Variants in ZNF268 observed in about 807,000 individuals in gnomAD.
ZNF268 encodes the protein zinc finger protein 3.
In ZNF268, 20 loss-of-function variants were observed where a neutral mutation model predicts 29.3. The ratio of observed to expected loss-of-function variants is 0.68; its 90% CI spans 0.48 to 0.99. The LOEUF (loss-of-function observed/expected upper bound fraction) is 0.99, where lower values mean the gene tolerates loss of function less well. Among genes scored for constraint, ZNF268 ranks in the 50% least tolerant of loss-of-function variants. The probability of loss-of-function intolerance (pLI) is 0.00; values close to 1 mark genes in which losing one functional copy is unlikely to be tolerated. For missense variants in ZNF268, 1,240 were observed against 1,121.6 expected (o/e 1.11, Z -1.51); for synonymous variants, 429 against 376.9 (o/e 1.14, Z -1.60).
chr12:133,200,061 T>G (rs546672528), intron 5 of ZNF268, among the ~76,000 whole-genome samples: 9 of 152,314 alleles, frequency 5.9e-5, no homozygotes, highest in African/African-American at 1.4e-4. Flanking sequence ...ATTTCTTGCC[T>G]TCTTCTAGCT....
chr12:133,198,983 A>G (rs1956685250), intron 5 of ZNF268, among the ~76,000 whole-genome samples: 1 of 150,406 alleles, frequency 6.6e-6, no homozygotes. Context: ...GTCTGCAAAC[A>G]GGGACAATTT....
intron 4 of ZNF268, 78 bp downstream of exon 4, chr12:133,191,693 A>G (rs896895088): frequency 2.0e-5 from 32 of 1,579,650 alleles, no homozygotes; most frequent in African/African-American, 9.5e-5. Context: ...GAGGGCTTCT[A>G]TGAAATACTT....
rs948350597 is a variant in ZNF268 at position 133,185,450 on chromosome 12, G to A, written c.34-2422G>A. ...GAGAGAGGAGAGCAGATGAACACAG[G>A]TGCAGAGGCCAGATCAGGGAGTGAG... On this transcript the variant is annotated intron_variant, in intron 2 of 5. Transcript: ENST00000536435. 2.6e-5 allele frequency among the ~76,000 whole-genome samples: 4 copies of A among 152,026 alleles called. No homozygotes were observed. The East Asian group carries it at 7.7e-4, about 29-fold the overall frequency.
intron 3 of ZNF268, among the ~76,000 whole-genome samples, chr12:133,189,708 T>C (rs1011148656): frequency 8.5e-5 from 13 of 152,236 alleles, no homozygotes; most frequent in Non-Finnish European, 2.9e-5. Flanking sequence ...TCAGTTTCCT[T>C]ACTCTCTCTG....
rs541316279 is a variant in ZNF268, at chr12:133,204,550, A to G, written c.*20A>G. 42 of 1,459,904 alleles carry G rather than the reference A, an allele frequency of 2.9e-5. No individual in the cohort carries two copies. In the Admixed American group the frequency reaches 6.8e-4, roughly 24 times the overall value. The allele number at this position is 1,459,904 out of a possible 1,614,324, so 90.4% of individuals were successfully genotyped here. On this transcript the variant is annotated 3_prime_UTR_variant, in exon 6 of 6. Transcript: ENST00000536435. ...CATTGATAATTTTACGAAACTCTGA[A>G]AAGTGGATTCACAAGAGATAGAAAC...
rs1417179535 is a variant in ZNF268, at chr12:133,213,613, T to C, written c.*9083T>C. The stretch of plus-strand genomic sequence containing the variant: ...CAGGAAGCTGAGGCAGGAGGATCGC[T>C]TGAAGCTGTGAGGTGGAGGTTGCAG... On this transcript the variant is annotated 3_prime_UTR_variant, in exon 6 of 6. Coordinates refer to ENST00000536435, the MANE Select transcript of ZNF268 (RefSeq NM_003415.3). 2.7e-5 allele frequency: 4 copies of C among 149,650 alleles called. No homozygotes were observed. The East Asian group carries it at 7.8e-4, about 29-fold the overall frequency. 9.3% of individuals were successfully genotyped at this position (149,650 alleles called of 1,614,324 possible). A position where few individuals can be genotyped will look rare whatever the true frequency, so the allele number is the denominator to read the frequency against.
intron 2 of ZNF268, among the ~76,000 whole-genome samples, chr12:133,182,983 G>C (rs901196602): frequency 2.0e-5 from 3 of 152,120 alleles, no homozygotes; most frequent in Non-Finnish European, 4.4e-5. Flanking sequence ...GGCGAGTGGC[G>C]GTTTAGTGAG....
At chr12:133,196,421 CCT>C (rs1566374681) in intron 5 of ZNF268, among the ~76,000 whole-genome samples, 1 of 151,304 alleles carries the variant, frequency 6.6e-6, no homozygotes, top group Non-Finnish European at 1.5e-5. Flanking sequence ...CAAGTATAAT[CCT>C]GTTTTTGCCA....
rs1957013627 is a variant in ZNF268 at position 133,213,419 on chromosome 12, C to T, written c.*8889C>T. ...TGAAAAGGAGCTGGGTGTGGTGGCT[C>T]ACGCCTGTAATTCCAGCACTTTGGG... On this transcript the variant is annotated 3_prime_UTR_variant, in exon 6 of 6. Coordinates refer to ENST00000536435, the MANE Select transcript of ZNF268 (RefSeq NM_003415.3). 6.6e-6 allele frequency: 1 copy of T among 151,804 alleles called. No individual in the cohort carries two copies. The highest frequency in any genetic ancestry group is 2.4e-5 in the African/African-American group (1 of 41,300). 9.4% of individuals were successfully genotyped at this position (151,804 alleles called of 1,614,324 possible).
rs746541616 is a variant in ZNF268 at position 133,203,266 on chromosome 12, T to C, written c.1580T>C (p.Leu527Pro). Residue 527 changes from leucine (L) to proline (P), a missense_variant, in exon 6 of 6, where the codon CTC becomes CCC. Coordinates refer to ENST00000536435, the MANE Select transcript of ZNF268 (RefSeq NM_003415.3). ...ACAAGGACTCATACAGGAGAAAAAC[T>C]CCATGAATGCAACAATTGTGGGAAA... ...IHTRTHTGEK[L>P]HECNNCGKAF... 6.5e-7 allele frequency: 1 copy of C among 1,537,946 alleles called. No homozygotes were observed. The highest frequency in any genetic ancestry group is 8.7e-7 in the Non-Finnish European group (1 of 1,146,892).
intron 2 of ZNF268, among the ~76,000 whole-genome samples, chr12:133,183,985 A>G (rs909935567): frequency 6.6e-6 from 1 of 152,256 alleles, no homozygotes; most frequent in African/African-American, 2.4e-5. Context: ...TGTTTGTGCT[A>G]CTGTAACAAA....
Position 133,213,285 on chromosome 12 carries a change from T to G in ZNF268, c.*8755T>G, listed in dbSNP as rs1315067056. ...TACTTCTTGGCACTGGATTTGGCAA[T>G]GATTTATTGGATATGACACCAGAAG... On this transcript the variant is annotated 3_prime_UTR_variant, in exon 6 of 6. Transcript: ENST00000536435. 2.0e-5 allele frequency: 3 copies of G among 152,194 alleles called. No individual in the cohort carries two copies. The allele number at this position is 152,194 out of a possible 1,614,324, so 9.4% of individuals were successfully genotyped here.
intron 5 of ZNF268, among the ~76,000 whole-genome samples, chr12:133,192,475 C>G (rs1046096016): frequency 1.2e-4 from 18 of 152,142 alleles, no homozygotes; most frequent in African/African-American, 4.3e-4. Flanking sequence ...TGGTGATAGA[C>G]TCATTTCATT....
chr12:133,191,942 G>A lies in ZNF268; in HGVS notation c.396G>A (p.Lys132=). The A allele has an allele frequency of 6.2e-7, 1 of 1,614,084 alleles. No homozygotes were observed. Among genetic ancestry groups the A allele is most frequent in the South Asian group, 1.1e-5 (1 of 91,090 alleles). The stretch of plus-strand genomic sequence containing the variant: ...ACACCAAACCTGATATCATCTTCAA[G>A]TTGGAACAAGGAGAAGAGCTGTGTA... ...YQHTKPDIIF[K]LEQGEELCMV... Residue 132 remains lysine (K), a synonymous_variant, in exon 5 of 6, where the codon AAG becomes AAA. Transcript: ENST00000536435.
At position 133,181,968 on chromosome 12, in the gene ZNF268, C is replaced by T; in HGVS notation, c.-30C>T. 1.3e-6 allele frequency: 2 copies of T among 1,558,744 alleles called. No individual in the cohort carries two copies. Among genetic ancestry groups the T allele is most frequent in the Non-Finnish European group, 1.7e-6 (2 of 1,150,920 alleles). On this transcript the variant is annotated 5_prime_UTR_variant, in exon 2 of 6. Coordinates refer to ENST00000536435, the MANE Select transcript of ZNF268 (RefSeq NM_003415.3). ...TAGCATCCCTCGCGTCCTGTCACTT[C>T]CAGCGAGGCACACAAAACTGACCGT... is the stretch of plus-strand genomic sequence containing the variant.
At position 133,207,595 on chromosome 12, in the gene ZNF268, G is replaced by A. The variant is rs1167891786; in HGVS notation, c.*3065G>A. 6.6e-6 allele frequency: 1 copy of A among 152,212 alleles called. No homozygotes were observed. Among genetic ancestry groups the A allele is most frequent in the Non-Finnish European group, 1.5e-5 (1 of 68,060 alleles). 9.4% of individuals were successfully genotyped at this position (152,212 alleles called of 1,614,324 possible). On this transcript the variant is annotated 3_prime_UTR_variant, in exon 6 of 6. Transcript: ENST00000536435. ...AGGCTGAGATGGTGGATCACCTGAGGTCAGGAGTTTGAGACCAGCCTGGCC... is the reference window on the plus strand; with the variant it reads ...AGGCTGAGATGGTGGATCACCTGAGATCAGGAGTTTGAGACCAGCCTGGCC...
At chr12:133,192,220 G>T (rs1019398314) in intron 5 of ZNF268, among the ~76,000 whole-genome samples, 2 of 150,718 alleles carry the variant, frequency 1.3e-5, no homozygotes, top group Non-Finnish European at 2.9e-5. Flanking sequence ...CAATTCTTCC[G>T]TGTCAGCCTC....
In ZNF268 at chr12:133,211,239, A is replaced by G. The variant is rs1221802167; in HGVS notation, c.*6709A>G. ...AAAAACCCTAAAATTGAACAAGAAG[A>G]CAACCCAATTAAAAATGGGGACAGA... is the stretch of plus-strand genomic sequence containing the variant. On this transcript the variant is annotated 3_prime_UTR_variant, in exon 6 of 6. Transcript: ENST00000536435. The G allele has an allele frequency of 1.7e-5, 6 of 355,716 alleles. No homozygotes were observed. The highest frequency in any genetic ancestry group is 1.3e-4 in the African/African-American group (6 of 46,698). 22.0% of individuals were successfully genotyped at this position (355,716 alleles called of 1,614,324 possible). A position where few individuals can be genotyped will look rare whatever the true frequency, so the allele number is the denominator to read the frequency against.
intron 5 of ZNF268, among the ~76,000 whole-genome samples, chr12:133,196,781 A>G (rs1956610548): frequency 6.6e-6 from 1 of 152,138 alleles, no homozygotes; most frequent in Admixed American, 6.6e-5. Context: ...GCTCATATTT[A>G]TTTGTTAGTG....
Sources: allele counts gnomAD v4.1 joint callset (sites outside exome capture counted in the v4.1 genomes callset), GRCh38; gene constraint gnomAD v4.1.1; transcripts MANE v1.5; gene names NCBI Gene and HGNC (gene_info 2026-07-23, HGNC 2026-07-21).